Variants in CERT1 observed in about 807,000 individuals in gnomAD.
CERT1 encodes ceramide transporter 1, also known as ceramide transfer protein.
Under a neutral mutation model 87.9 loss-of-function variants are expected in CERT1, and 31 were observed. The observed-to-expected ratio is 0.35, with a 90% CI of 0.27 to 0.48. CERT1 has a LOEUF of 0.48. Among genes scored for constraint, CERT1 ranks in the 20% least tolerant of loss-of-function variants. The pLI is 0.99. For missense variants in CERT1, 487 were observed against 758.0 expected, an observed-to-expected ratio of 0.64 and a Z score of 4.20; for synonymous variants, 289 against 250.9, an observed-to-expected ratio of 1.15 and a Z score of -1.44.
At chr5:75,447,721 A>C (rs1212739800) in intron 3 of CERT1, among the ~76,000 whole-genome samples, 2 of 150,294 alleles carry the variant, frequency 1.3e-5, no homozygotes, top group East Asian at 3.9e-4. Flanking sequence ...TGATCCACCC[A>C]CCTCAGCCTC....
At chr5:75,383,298 A>C (rs1478550043) in intron 14 of CERT1, among the ~76,000 whole-genome samples, 1 of 152,150 alleles carries the variant, frequency 6.6e-6, no homozygotes, top group Non-Finnish European at 1.5e-5. Context: ...TGTTACATAT[A>C]AGATTATTTT....
At position 75,471,531 on chromosome 5, in the gene CERT1, C is replaced by T. The variant is rs535368000; in HGVS notation, c.232-12350G>A. 3.9e-5 allele frequency among the ~76,000 whole-genome samples: 6 copies of T among 151,940 alleles called. No individual in the cohort carries two copies. In the East Asian group the frequency reaches 1.2e-3, roughly 30 times the overall value. On this transcript the variant is annotated intron_variant, in intron 2 of 16. Coordinates refer to ENST00000643780, the MANE Select transcript of CERT1 (RefSeq NM_001379029.1). ...ATCCCAGCATTTTGGGAGGCTGAGG[C>T]AGGCAGATCATGAGGTCAAGAGATT... is the stretch of plus-strand genomic sequence containing the variant.
chr5:75,373,852 A>T (rs1166514370), downstream of CERT1: 1 of 374,912 alleles, frequency 2.7e-6, no homozygotes, highest in African/African-American at 2.1e-5. Flanking sequence ...TAGTAAATTA[A>T]AAATTCTGAA....
rs1561318717 is a variant in CERT1 at position 75,511,590 on chromosome 5, C to A, written c.-383G>T. 1 of 1,466,170 alleles carries A rather than the reference C, an allele frequency of 6.8e-7. No homozygotes were observed. Among genetic ancestry groups the A allele is most frequent in the African/African-American group, 1.4e-5 (1 of 71,046 alleles). The allele number at this position is 1,466,170 out of a possible 1,614,324, so 90.8% of individuals were successfully genotyped here. ...CGCTGAGTCCCGCGTCCACTCACAC[C>A]TCCGCTACCGCCGCCATCTTCCTGC... is the stretch of plus-strand genomic sequence containing the variant. On this transcript the variant is annotated 5_prime_UTR_variant, in exon 1 of 17. The change creates a new upstream start codon in the 5' untranslated region. Coordinates refer to ENST00000643780, the MANE Select transcript of CERT1 (RefSeq NM_001379029.1).
At chr5:75,496,809 G>C (rs1225575141) in intron 2 of CERT1, among the ~76,000 whole-genome samples, 1 of 152,068 alleles carries the variant, frequency 6.6e-6, no homozygotes, top group African/African-American at 2.4e-5. Flanking sequence ...GACTACAATG[G>C]GGCAGAAGAG....
chr5:75,393,620 A>G (rs1489981937), intron 11 of CERT1, among the ~76,000 whole-genome samples: 15 of 145,406 alleles, frequency 1.0e-4, no homozygotes, highest in Non-Finnish European at 1.5e-4. Context: ...AAAAAAAAAA[A>G]AAAGAAAGTC....
In CERT1 at chr5:75,385,917, G is replaced by T. The variant is rs748030804; in HGVS notation, c.1402C>A (p.Arg468Ser). 6.5e-7 allele frequency: 1 copy of T among 1,540,224 alleles called. No homozygotes were observed. Among genetic ancestry groups the T allele is most frequent in the Non-Finnish European group, 8.7e-7 (1 of 1,146,236 alleles). Residue 468 changes from arginine to serine, a missense_variant, in exon 13 of 17, where the codon CGC (arginine) becomes AGC (serine). By Grantham distance (110) the Arg-to-Ser change is moderately radical. Around this residue, in one of 8 missense-constraint regions of CERT1, gnomAD observed 147 missense variants for 200.8 expected, o/e 0.73. Transcript: ENST00000643780. The stretch of plus-strand genomic sequence containing the variant: ...GACAGCTTACTTTCCCAGTCATTGC[G>T]AACGTCAACATTCCAGAAATAATTG... ...VCNYFWNVDV[R>S]NDWETTIENF...
chr5:75,407,895 T>C (rs1358375609), intron 8 of CERT1, among the ~76,000 whole-genome samples: 2 of 149,494 alleles, frequency 1.3e-5, no homozygotes, highest in South Asian at 2.1e-4. Flanking sequence ...TTTTTTTTAT[T>C]ATGGTAAAAA....
At chr5:75,454,539 A>G (rs538486328) in intron 3 of CERT1, among the ~76,000 whole-genome samples, 3 of 152,352 alleles carry the variant, frequency 2.0e-5, no homozygotes, top group African/African-American at 4.8e-5. Flanking sequence ...TGCAACATCA[A>G]CAATGCATTT....
chr5:75,496,854 C>T (rs1293048944), intron 2 of CERT1, among the ~76,000 whole-genome samples: 1 of 152,052 alleles, frequency 6.6e-6, no homozygotes, highest in Non-Finnish European at 1.5e-5. Context: ...TTTATATACT[C>T]ATGTGGTAAT....
chr5:75,419,788 T>A (rs953245394), intron 5 of CERT1, among the ~76,000 whole-genome samples: 15 of 152,306 alleles, frequency 9.8e-5, no homozygotes, highest in African/African-American at 3.4e-4. Context: ...ACATTATTTT[T>A]AAACCATATT....
chr5:75,486,414 G>C (rs967825297), intron 2 of CERT1, among the ~76,000 whole-genome samples: 1 of 152,024 alleles, frequency 6.6e-6, no homozygotes, highest in African/African-American at 2.4e-5. Flanking sequence ...AAAAGTGAAA[G>C]CCTTTCCTGT....
At chr5:75,510,573 A>C (rs1405806657) in intron 1 of CERT1, among the ~76,000 whole-genome samples, 1 of 152,194 alleles carries the variant, frequency 6.6e-6, no homozygotes, top group Non-Finnish European at 1.5e-5. Flanking sequence ...ACTAAGGTAC[A>C]GGGTGAGGGA....
At chr5:75,380,728 A>G (rs1198080251) in intron 16 of CERT1, among the ~76,000 whole-genome samples, 1 of 146,854 alleles carries the variant, frequency 6.8e-6, no homozygotes, top group Non-Finnish European at 1.5e-5. Flanking sequence ...CAGTGAGCTG[A>G]GACTGCACCA....
chr5:75,381,871 G>C, intron 15 of CERT1, 78 bp downstream of exon 15: 1 of 1,295,428 alleles, frequency 7.7e-7, no homozygotes, highest in Non-Finnish European at 1.1e-6. Context: ...TGTATGGGCT[G>C]TGTTTATCAT....
At chr5:75,457,772 G>A (rs2112305017) in intron 3 of CERT1, among the ~76,000 whole-genome samples, 1 of 152,044 alleles carries the variant, frequency 6.6e-6, no homozygotes, top group Non-Finnish European at 1.5e-5. Flanking sequence ...GTAGGGGTGT[G>A]TGTGTGTGTT....
chr5:75,421,597 T>C (rs1474923607), intron 5 of CERT1, among the ~76,000 whole-genome samples: 13 of 152,204 alleles, frequency 8.5e-5, no homozygotes, highest in Admixed American at 8.5e-4. Flanking sequence ...AAATATGCTG[T>C]GCAATGTCTT....
At chr5:75,473,738 C>G (rs1459443437) in intron 2 of CERT1, among the ~76,000 whole-genome samples, 1 of 152,102 alleles carries the variant, frequency 6.6e-6, no homozygotes, top group Non-Finnish European at 1.5e-5. Context: ...AGTATTCTCA[C>G]TGCAAAAATG....
intron 7 of CERT1, among the ~76,000 whole-genome samples, chr5:75,412,553 T>A (rs916427043): frequency 6.6e-6 from 1 of 152,234 alleles, no homozygotes; most frequent in Non-Finnish European, 1.5e-5. Flanking sequence ...GACTTAATTC[T>A]TGTATAAACA....
Sources: gnomAD v4.1 joint callset for allele counts (sites outside exome capture counted in the v4.1 genomes callset) on GRCh38, gnomAD v4.1.1 for gene constraint, gnomAD v4.1.1 regional missense constraint, MANE v1.5 for transcripts, NCBI Gene and HGNC (gene_info 2026-07-23, HGNC 2026-07-21) for gene names.